KCNN2: variants seen among roughly 807,000 people sequenced by gnomAD.
The protein encoded by KCNN2 is small conductance calcium-activated potassium channel protein 2.
A neutral mutation model predicts 55.5 loss-of-function variants in KCNN2; 24 were observed. That is an observed-to-expected ratio of 0.43 (90% CI 0.31 to 0.61). The LOEUF (loss-of-function observed/expected upper bound fraction) is 0.61, where lower values mean the gene tolerates loss of function less well. Ranked by LOEUF, KCNN2 falls within the 20% of genes least tolerant of loss-of-function variation. The pLI is 0.08. For synonymous variants in KCNN2, 431 were observed against 336.1 expected, an observed-to-expected ratio of 1.28 and a Z score of -3.09; for missense variants, 754 against 853.6, an observed-to-expected ratio of 0.88 and a Z score of 1.45.
chr5:114,275,215 G>A (rs1205137583), intron 2 of KCNN2, among the ~76,000 whole-genome samples: 1 of 152,162 alleles, frequency 6.6e-6, no homozygotes, highest in African/African-American at 2.4e-5. Context: ...GCTTTTTGAT[G>A]TGCTGCTGGA....
chr5:114,283,491 T>C (rs142291371), intron 2 of KCNN2, among the ~76,000 whole-genome samples: 254 of 152,334 alleles, frequency 1.7e-3, no homozygotes, highest in African/African-American at 5.5e-3. Context: ...CAGTAGTTTC[T>C]ACATTTGATG....
At chr5:114,346,744 TA>T (rs1374391519) in intron 2 of KCNN2, among the ~76,000 whole-genome samples, 3 of 145,204 alleles carry the variant, frequency 2.1e-5, no homozygotes, top group South Asian at 2.2e-4. Context: ...TTTGTATGCA[TA>T]TGTTGGTTTT....
rs780727307 is a variant in KCNN2, at chr5:114,495,933, C to T, written c.2127C>T (p.Asn709=). The change falls in exon 8 of 8, where the codon AAC becomes AAT. Residue 709 remains asparagine, a synonymous_variant. Transcript: ENST00000673685. ...NIMYDMISDL[N]ERSEDFEKRI... ...TGTATGATATGATTTCTGACTTAAA[C>T]GAAAGGAGTGAAGACTTCGAGAAGA... is the stretch of plus-strand genomic sequence containing the variant. 22 of 1,613,876 alleles carry T rather than the reference C, an allele frequency of 1.4e-5. No homozygotes were observed. Among genetic ancestry groups the T allele is most frequent in the South Asian group, 1.3e-4 (12 of 91,076 alleles).
At chr5:114,488,219 T>G (rs4705669) in intron 6 of KCNN2, among the ~76,000 whole-genome samples, 2 of 152,174 alleles carry the variant, frequency 1.3e-5, no homozygotes, top group East Asian at 3.9e-4. Context: ...ACAGATTCAT[T>G]CTTCCATAGA....
intron 1 of KCNN2, among the ~76,000 whole-genome samples, chr5:114,181,592 C>T (rs78012665): frequency 0.019 from 2,862 of 152,178 alleles, 93 homozygotes; most frequent in African/African-American, 0.064. Flanking sequence ...TTAATAAAGT[C>T]TAATTTATCA....
chr5:114,422,797 A>G (rs1244132931), intron 3 of KCNN2, among the ~76,000 whole-genome samples: 1 of 152,208 alleles, frequency 6.6e-6, no homozygotes, highest in Non-Finnish European at 1.5e-5. Context: ...TCAGAGACTC[A>G]TAGATGACTG....
chr5:114,168,895 C>G (rs1481818701), intron 1 of KCNN2, among the ~76,000 whole-genome samples: 1 of 152,060 alleles, frequency 6.6e-6, no homozygotes, highest in Admixed American at 6.6e-5. Flanking sequence ...TGTCCCCACC[C>G]AAATCTCATG....
intron 2 of KCNN2, among the ~76,000 whole-genome samples, chr5:114,368,308 G>C (rs28668035): frequency 0.071 from 10,821 of 152,222 alleles, 532 homozygotes; most frequent in Non-Finnish European, 0.097. Flanking sequence ...ATGTTTATTT[G>C]TCATCTTTTA....
At chr5:114,186,007 G>A (rs745357844) in intron 1 of KCNN2, among the ~76,000 whole-genome samples, 6 of 152,144 alleles carry the variant, frequency 3.9e-5, no homozygotes, top group Non-Finnish European at 5.9e-5. Context: ...AGCAGAATAT[G>A]TGTACTCTGA....
chr5:114,392,809 T>C (rs1283657427), intron 2 of KCNN2, among the ~76,000 whole-genome samples: 1 of 100,842 alleles, frequency 9.9e-6, no homozygotes, highest in Non-Finnish European at 2.5e-5. Context: ...TTGTGGGGTT[T>C]TTTTTTTTTT....
At chr5:114,281,613 G>C (rs1026890891) in intron 2 of KCNN2, among the ~76,000 whole-genome samples, 7 of 119,398 alleles carry the variant, frequency 5.9e-5, no homozygotes, top group African/African-American at 1.9e-4. Flanking sequence ...CTCTCTCCCC[G>C]CCCCTCCATC....
intron 1 of KCNN2, among the ~76,000 whole-genome samples, chr5:114,113,360 C>G (rs1032325765): frequency 2.0e-5 from 3 of 151,732 alleles, no homozygotes; most frequent in African/African-American, 4.8e-5. Context: ...GTTAAAATCA[C>G]CAAGCAAAAG....
At chr5:114,258,498 T>C (rs969889950) in intron 2 of KCNN2, among the ~76,000 whole-genome samples, 1 of 152,184 alleles carries the variant, frequency 6.6e-6, no homozygotes, top group Non-Finnish European at 1.5e-5. Flanking sequence ...GGAGATTTTT[T>C]ATTACTGATT....
At chr5:114,461,851 T>C (rs891658218) in intron 3 of KCNN2, among the ~76,000 whole-genome samples, 2 of 151,650 alleles carry the variant, frequency 1.3e-5, no homozygotes, top group Non-Finnish European at 1.5e-5. Context: ...CAGACACAGA[T>C]GGGGAATTGA....
intron 2 of KCNN2, among the ~76,000 whole-genome samples, chr5:114,350,080 C>G (rs559064657): frequency 1.3e-4 from 19 of 151,772 alleles, no homozygotes; most frequent in Non-Finnish European, 2.7e-4. Context: ...AGAGATTTTG[C>G]CTTTGGCTTA....
intron 3 of KCNN2, among the ~76,000 whole-genome samples, chr5:114,453,675 C>G (rs1425726718): frequency 6.6e-6 from 1 of 150,714 alleles, no homozygotes; most frequent in South Asian, 2.1e-4. Context: ...CTTTTTTGTT[C>G]TCCTCTTCTC....
intron 1 of KCNN2, among the ~76,000 whole-genome samples, chr5:114,218,450 A>G (rs1360045294): frequency 1.3e-5 from 2 of 152,220 alleles, no homozygotes; most frequent in Non-Finnish European, 2.9e-5. Flanking sequence ...AGGTGGAGAA[A>G]ACTTAAAATG....
chr5:114,478,633 G>C (rs1052089272), intron 5 of KCNN2, among the ~76,000 whole-genome samples: 2 of 151,808 alleles, frequency 1.3e-5, no homozygotes, highest in Non-Finnish European at 2.9e-5. Flanking sequence ...AGAAAAAAAA[G>C]TTAAGGGAAG....
intron 3 of KCNN2, among the ~76,000 whole-genome samples, chr5:114,411,298 A>G (rs1455410490): frequency 6.6e-6 from 1 of 152,164 alleles, no homozygotes; most frequent in Non-Finnish European, 1.5e-5. Context: ...CAGTTGAAAC[A>G]TAATTTATTA....
Sources: gnomAD v4.1 joint callset for allele counts (sites outside exome capture counted in the v4.1 genomes callset) on GRCh38, gnomAD v4.1.1 for gene constraint, MANE v1.5 for transcripts, NCBI Gene and HGNC (gene_info 2026-07-23, HGNC 2026-07-21) for gene names.